ZNF704: variants seen among roughly 807,000 people sequenced by gnomAD.
The protein encoded by ZNF704 is glucocorticoid induced gene 1.
Under a neutral mutation model 44.7 loss-of-function variants are expected in ZNF704, and 10 were observed. That is an observed-to-expected ratio of 0.22 (90% CI 0.14 to 0.38). The LOEUF (loss-of-function observed/expected upper bound fraction) is 0.38, where lower values mean the gene tolerates loss of function less well. ZNF704 is among the 10% of genes least tolerant of loss of function. The pLI is 1.00. For synonymous variants in ZNF704, 211 were observed against 207.6 expected (o/e 1.02, Z -0.14); for missense variants, 390 against 545.5 (o/e 0.71, Z 2.84).
rs367850175 is a variant in ZNF704, at chr8:80,659,653, A to G, written c.964T>C (p.Phe322Leu). 1 of 1,614,018 alleles carries G rather than the reference A, an allele frequency of 6.2e-7. No homozygotes were observed. The highest frequency in any genetic ancestry group is 1.3e-5 in the African/African-American group (1 of 75,034). The change falls in exon 7 of 9, where the codon TTC becomes CTC. Residue 322 changes from phenylalanine to leucine, a missense_variant. By Grantham distance (22) the Phe-to-Leu change is conservative (BLOSUM62 0). Coordinates refer to ENST00000327835, the MANE Select transcript of ZNF704 (RefSeq NM_001033723.3). Reference protein sequence around the residue: ...PPVTIPGSAKFTPNGSSFSIS... With the variant: ...PPVTIPGSAKLTPNGSSFSIS... ...CTGAAGCTGCTGCCATTGGGGGTGA[A>G]CTTGGCCGATCCTGGAATGGTCACA...
chr8:80,817,761 A>G (rs1808200560), intron 2 of ZNF704, among the ~76,000 whole-genome samples: 3 of 152,334 alleles, frequency 2.0e-5, no homozygotes, highest in South Asian at 2.1e-4. Flanking sequence ...CTTGAAAAAG[A>G]TATCAATAAA....
At chr8:80,797,978 A>G (rs1807835283) in intron 2 of ZNF704, among the ~76,000 whole-genome samples, 1 of 152,208 alleles carries the variant, frequency 6.6e-6, no homozygotes, top group African/African-American at 2.4e-5. Flanking sequence ...AAAGGTAGCC[A>G]TGCAGCAGCC....
At chr8:80,721,597 TCTG>T in intron 2 of ZNF704, among the ~76,000 whole-genome samples, 1 of 152,306 alleles carries the variant, frequency 6.6e-6, no homozygotes. Flanking sequence ...TGGTTGAAAA[TCTG>T]CTCAGAGTTC....
intron 4 of ZNF704, among the ~76,000 whole-genome samples, chr8:80,686,504 C>G (rs528670945): frequency 6.6e-6 from 1 of 152,254 alleles, no homozygotes; most frequent in African/African-American, 2.4e-5. Flanking sequence ...ACCTCAGCCT[C>G]CTGAGTAGAT....
intron 2 of ZNF704, among the ~76,000 whole-genome samples, chr8:80,770,314 C>T (rs1480552697): frequency 1.3e-5 from 2 of 152,162 alleles, no homozygotes; most frequent in African/African-American, 2.4e-5. Flanking sequence ...ATAGCCAAAT[C>T]GACTTACCTT....
chr8:80,649,177 A>G (rs1817876427), intron 7 of ZNF704, among the ~76,000 whole-genome samples: 1 of 152,182 alleles, frequency 6.6e-6, no homozygotes, highest in Non-Finnish European at 1.5e-5. Flanking sequence ...AGAAGAGTCT[A>G]AAGAATTTTA....
At chr8:80,813,894 A>G (rs1218125014) in intron 2 of ZNF704, among the ~76,000 whole-genome samples, 1 of 152,126 alleles carries the variant, frequency 6.6e-6, no homozygotes, top group Admixed American at 6.5e-5. Context: ...AAAAGAAAAG[A>G]AAAGAAAATT....
chr8:80,869,821 C>T (rs935266429), intron 1 of ZNF704, among the ~76,000 whole-genome samples: 9 of 152,226 alleles, frequency 5.9e-5, no homozygotes, highest in African/African-American at 2.2e-4. Context: ...TGCTGGCAGG[C>T]AGGCTCTAAG....
chr8:80,676,309 G>A (rs1818365012), intron 4 of ZNF704, among the ~76,000 whole-genome samples: 1 of 152,224 alleles, frequency 6.6e-6, no homozygotes, highest in Non-Finnish European at 1.5e-5. Context: ...GCGTTTCTAT[G>A]CTGATGGGAG....
intron 2 of ZNF704, among the ~76,000 whole-genome samples, chr8:80,768,445 T>C (rs1807264102): frequency 6.6e-6 from 1 of 152,160 alleles, no homozygotes; most frequent in Admixed American, 6.6e-5. Flanking sequence ...GTGCTCCACA[T>C]GAACACAAAA....
chr8:80,768,795 T>C (rs948808455), intron 2 of ZNF704, among the ~76,000 whole-genome samples: 3 of 152,140 alleles, frequency 2.0e-5, no homozygotes, highest in Admixed American at 6.6e-5. Flanking sequence ...AAATTGGCCA[T>C]AGAGGAGTAT....
intron 4 of ZNF704, among the ~76,000 whole-genome samples, chr8:80,672,536 TAAATA>T (rs1365490488): frequency 4.6e-5 from 7 of 152,038 alleles, no homozygotes; most frequent in African/African-American, 1.7e-4. Flanking sequence ...GTGTAATGAA[TAAATA>T]AAATGTGTTA....
chr8:80,769,984 A>C (rs973247397), intron 2 of ZNF704, among the ~76,000 whole-genome samples: 1 of 152,208 alleles, frequency 6.6e-6, no homozygotes, highest in Non-Finnish European at 1.5e-5. Flanking sequence ...AGAAGGTGAA[A>C]GGCACGCCTC....
At chr8:80,875,952 C>T (rs553561444), upstream of ZNF704, among the ~76,000 whole-genome samples, 4 of 152,230 alleles carry the variant, frequency 2.6e-5, no homozygotes, top group East Asian at 5.8e-4. Context: ...CCCAAAATAG[C>T]GGTATCATTT....
intron 2 of ZNF704, among the ~76,000 whole-genome samples, chr8:80,730,898 G>A (rs1191434239): frequency 6.6e-6 from 1 of 152,104 alleles, no homozygotes; most frequent in Non-Finnish European, 1.5e-5. Flanking sequence ...TTAAACTGAA[G>A]AAACAAATAG....
chr8:80,658,436 G>A (rs1237207847), intron 7 of ZNF704, among the ~76,000 whole-genome samples: 1 of 150,910 alleles, frequency 6.6e-6, no homozygotes, highest in African/African-American at 2.4e-5. Context: ...ACCTACATCA[G>A]TGGATCAGTG....
intron 1 of ZNF704, among the ~76,000 whole-genome samples, chr8:80,838,253 T>C (rs987597362): frequency 3.3e-5 from 5 of 152,228 alleles, no homozygotes; most frequent in African/African-American, 1.2e-4. Context: ...ATAGTTTCTC[T>C]GACTAAACCA....
At chr8:80,813,952 G>C (rs982116528) in intron 2 of ZNF704, among the ~76,000 whole-genome samples, 2 of 152,060 alleles carry the variant, frequency 1.3e-5, no homozygotes, top group African/African-American at 4.8e-5. Flanking sequence ...GAGAACTGCT[G>C]GAAAAAGTTC....
chr8:80,735,425 A>T (rs1806650190), intron 2 of ZNF704, among the ~76,000 whole-genome samples: 2 of 152,250 alleles, frequency 1.3e-5, no homozygotes, highest in Admixed American at 1.3e-4. Flanking sequence ...CTCAAAGTAC[A>T]TCCTATACAC....
Sources: allele counts gnomAD v4.1 joint callset (sites outside exome capture counted in the v4.1 genomes callset), GRCh38; gene constraint gnomAD v4.1.1; transcripts MANE v1.5; gene names NCBI Gene and HGNC (gene_info 2026-07-23, HGNC 2026-07-21).